APBA2: variants seen among roughly 807,000 people sequenced by gnomAD.
APBA2 encodes amyloid-beta A4 precursor protein-binding family A member 2.
A neutral mutation model predicts 75.0 loss-of-function variants in APBA2; 30 were observed. The observed-to-expected ratio is 0.40, with a 90% CI of 0.30 to 0.54. APBA2 has a LOEUF of 0.54. APBA2 is among the 20% of genes least tolerant of loss of function. The pLI is 0.49. For synonymous variants in APBA2, 444 were observed against 409.6 expected (o/e 1.08, Z -1.01); for missense variants, 801 against 1,016.1 (o/e 0.79, Z 2.88).
intron 2 of APBA2, chr15:28,961,313 G>A (rs964882554): frequency 7.9e-5 from 12 of 152,320 alleles, no homozygotes; most frequent in Non-Finnish European, 5.9e-5. Context: ...AGCAGATGAG[G>A]GCCTGCTTGG....
intron 6 of APBA2, among the ~76,000 whole-genome samples, chr15:29,085,296 C>T (rs759957720): frequency 2.0e-5 from 3 of 151,910 alleles, no homozygotes; most frequent in South Asian, 2.1e-4. Flanking sequence ...GAGGCTAAGA[C>T]GGGTGGATCA....
At chr15:28,935,611 A>G (rs1206749448) in intron 2 of APBA2, among the ~76,000 whole-genome samples, 1 of 152,200 alleles carries the variant, frequency 6.6e-6, no homozygotes, top group Non-Finnish European at 1.5e-5. Context: ...GCAGGGTTCA[A>G]TCTGCAGGAC....
At chr15:29,115,748 G>T (rs973963778) in intron 14 of APBA2, among the ~76,000 whole-genome samples, 1 of 152,216 alleles carries the variant, frequency 6.6e-6, no homozygotes, top group South Asian at 2.1e-4. Flanking sequence ...GATGGAGGAA[G>T]CCCCTGCCGG....
intron 4 of APBA2, among the ~76,000 whole-genome samples, chr15:29,069,196 A>AT (rs1187306482): frequency 1.3e-5 from 2 of 152,182 alleles, no homozygotes; most frequent in African/African-American, 4.8e-5. Context: ...TACTTTGTTC[A>AT]TTTTTGTGGC....
chr15:29,012,751 A>G (rs1467284020), intron 3 of APBA2, among the ~76,000 whole-genome samples: 2 of 152,096 alleles, frequency 1.3e-5, no homozygotes, highest in Admixed American at 6.6e-5. Flanking sequence ...ACCAATTTGG[A>G]CCCTCAAGTT....
intron 2 of APBA2, among the ~76,000 whole-genome samples, chr15:28,975,158 G>A (rs2037267358): frequency 6.6e-6 from 1 of 151,906 alleles, no homozygotes; most frequent in Non-Finnish European, 1.5e-5. Flanking sequence ...AACTTCTTTA[G>A]GAAAATATAA....
At chr15:29,086,339 AT>A (rs542416011) in intron 6 of APBA2, among the ~76,000 whole-genome samples, 125 of 152,328 alleles carry the variant, frequency 8.2e-4, no homozygotes, top group African/African-American at 2.9e-3. Context: ...CCACACCCAG[AT>A]TCCCGATCCA....
intron 2 of APBA2, among the ~76,000 whole-genome samples, chr15:28,962,276 T>A (rs1287615105): frequency 6.6e-6 from 1 of 152,006 alleles, no homozygotes; most frequent in Non-Finnish European, 1.5e-5. Context: ...TTTTTAATAA[T>A]AAAGATGGGT....
rs2045285154 is a variant in APBA2 at position 29,117,684 on chromosome 15, T to C, written c.*551T>C. ...TGGGGACATGTGATTGATTGATTGA[T>C]TGTAAATAAAGGATGATGGCCACAA... On this transcript the variant is annotated 3_prime_UTR_variant, in exon 15 of 15. Transcript: ENST00000683413. 6.3e-6 allele frequency: 1 copy of C among 159,138 alleles called. No individual in the cohort carries two copies. The highest frequency in any genetic ancestry group is 2.4e-5 in the African/African-American group (1 of 41,316). The allele number at this position is 159,138 out of a possible 1,614,324, so 9.9% of individuals were successfully genotyped here.
intron 2 of APBA2, among the ~76,000 whole-genome samples, chr15:28,933,661 T>C (rs1477824182): frequency 2.0e-5 from 3 of 152,200 alleles, no homozygotes; most frequent in Non-Finnish European, 2.9e-5. Flanking sequence ...AGGAGCGAAG[T>C]CCTCGACCTG....
At chr15:28,958,828 T>TG (rs10691877) in intron 2 of APBA2, among the ~76,000 whole-genome samples, 1 of 152,026 alleles carries the variant, frequency 6.6e-6, no homozygotes, top group Non-Finnish European at 1.5e-5. Context: ...TTTTTTTTTT[T>TG]GACTGCAGAA....
intron 2 of APBA2, among the ~76,000 whole-genome samples, chr15:28,954,106 T>C (rs537122368): frequency 6.6e-6 from 1 of 152,262 alleles, no homozygotes; most frequent in South Asian, 2.1e-4. Context: ...CCTTGACTCC[T>C]GTCTCTCTTA....
intron 3 of APBA2, among the ~76,000 whole-genome samples, chr15:29,028,041 G>A (rs1427876436): frequency 6.6e-6 from 1 of 151,650 alleles, no homozygotes; most frequent in Non-Finnish European, 1.5e-5. Context: ...ATGTGCAGCA[G>A]GTTTGTTAGG....
At chr15:29,011,852 A>G (rs1217039780) in intron 3 of APBA2, among the ~76,000 whole-genome samples, 1 of 152,190 alleles carries the variant, frequency 6.6e-6, no homozygotes, top group East Asian at 1.9e-4. Flanking sequence ...GATACATATA[A>G]ATTTAGAATT....
chr15:28,949,024 G>A (rs1314507099), intron 2 of APBA2, among the ~76,000 whole-genome samples: 1 of 152,054 alleles, frequency 6.6e-6, no homozygotes, highest in Admixed American at 6.5e-5. Context: ...AATGGCAGAG[G>A]TTTGGCTTCG....
In APBA2 at chr15:28,887,045, G is replaced by T. The variant is rs758811482; in HGVS notation, c.-205+767G>T. Among the ~76,000 whole-genome samples the T allele has an allele frequency of 2.6e-5, 4 of 152,274 alleles. No individual in the cohort carries two copies. The East Asian group carries it at 5.8e-4, about 22-fold the overall frequency. On this transcript the variant is annotated intron_variant, in intron 1 of 14. Transcript: ENST00000683413. ...AGGGGGCGAACTTCCTTTCTCCGAC[G>T]CCTGCCGAGGACCGCCGTGGAGAGC...
rs181229935 is a variant in APBA2 at position 28,973,502 on chromosome 15, T to G, written c.-94-22251T>G. 1.9e-4 allele frequency among the ~76,000 whole-genome samples: 29 copies of G among 152,298 alleles called. No homozygotes were observed. In the East Asian group the frequency reaches 2.9e-3, roughly 15 times the overall value. On this transcript the variant is annotated intron_variant, in intron 2 of 14. Coordinates refer to ENST00000683413, the MANE Select transcript of APBA2 (RefSeq NM_001353788.2). ...AATTACTGAAAACACTGTTGTCACA[T>G]AGAGGATGAAGGTGTTAAAAATTAG...
chr15:28,929,244 A>G (rs887775188), intron 2 of APBA2, among the ~76,000 whole-genome samples: 2 of 152,190 alleles, frequency 1.3e-5, no homozygotes, highest in African/African-American at 4.8e-5. Flanking sequence ...CTGGAGTGTC[A>G]GTGTTCCCTT....
chr15:29,056,592 C>T (rs2041899534), intron 4 of APBA2, among the ~76,000 whole-genome samples: 1 of 786 alleles, frequency 1.3e-3, no homozygotes. Flanking sequence ...CTCCCTCCCT[C>T]CCTCCCTCCC....
Sources: gnomAD v4.1 joint callset for allele counts (sites outside exome capture counted in the v4.1 genomes callset) on GRCh38, gnomAD v4.1.1 for gene constraint, MANE v1.5 for transcripts, NCBI Gene and HGNC (gene_info 2026-07-23, HGNC 2026-07-21) for gene names.